TBCD: variants seen among roughly 807,000 people sequenced by gnomAD.
TBCD encodes the protein tubulin-specific chaperone D.
In TBCD, 105 loss-of-function variants were observed where a neutral mutation model predicts 169.3. The ratio of observed to expected loss-of-function variants is 0.62; its 90% CI spans 0.53 to 0.73. The LOEUF (loss-of-function observed/expected upper bound fraction) is 0.73, where lower values mean the gene tolerates loss of function less well. Among genes scored for constraint, TBCD ranks in the 30% least tolerant of loss-of-function variants. The pLI is 0.00. For synonymous variants in TBCD, 700 were observed against 643.9 expected, an observed-to-expected ratio of 1.09 and a Z score of -1.32; for missense variants, 1,444 against 1,600.1, an observed-to-expected ratio of 0.90 and a Z score of 1.66.
At chr17:82,858,944 C>T (rs1237935991) in intron 13 of TBCD, among the ~76,000 whole-genome samples, 1 of 152,242 alleles carries the variant, frequency 6.6e-6, no homozygotes, top group Admixed American at 6.5e-5. Context: ...CTCAGCGCCT[C>T]TGTGGGGCTG....
At chr17:82,771,607 C>T (rs8080925) in intron 5 of TBCD, among the ~76,000 whole-genome samples, 59,870 of 151,948 alleles carry the variant, frequency 0.39, 11,823 homozygotes, top group Middle Eastern at 0.42. Context: ...TTAGTAGAGA[C>T]GGGGTTTTAC....
At chr17:82,829,866 C>T in intron 13 of TBCD, 1 of 476,846 alleles carries the variant, frequency 2.1e-6, no homozygotes, top group Non-Finnish European at 3.7e-6. Context: ...TATAAAAGAT[C>T]TTCTGTAAGA....
chr17:82,759,884 GTTTGT>G (rs1294469703), intron 2 of TBCD, among the ~76,000 whole-genome samples: 6 of 121,138 alleles, frequency 5.0e-5, no homozygotes, highest in Non-Finnish European at 6.6e-5. Context: ...CATTTCGTTT[GTTTGT>G]TTTTTTTTTT....
intron 9 of TBCD, among the ~76,000 whole-genome samples, chr17:82,802,361 G>A (rs1006149201): frequency 2.0e-5 from 3 of 152,074 alleles, no homozygotes; most frequent in African/African-American, 7.2e-5. Context: ...CCAGAGACGC[G>A]TGTTGTGTTG....
At chr17:82,776,309 CTGGG>C (rs1027074141) in intron 6 of TBCD, among the ~76,000 whole-genome samples, 3 of 151,936 alleles carry the variant, frequency 2.0e-5, no homozygotes, top group African/African-American at 7.3e-5. Flanking sequence ...ATTCCGAAGG[CTGGG>C]TGGGAGGATT....
chr17:82,814,645 A>G (rs1340360070), intron 12 of TBCD, among the ~76,000 whole-genome samples, 195 bp from the exon 13 acceptor site: 2 of 152,186 alleles, frequency 1.3e-5, no homozygotes, highest in Non-Finnish European at 2.9e-5. Flanking sequence ...CCTCTTGAGT[A>G]GCTGGGATTA....
At chr17:82,858,057 G>T (rs114124517) in intron 13 of TBCD, among the ~76,000 whole-genome samples, 3,884 of 151,972 alleles carry the variant, frequency 0.026, 189 homozygotes, top group African/African-American at 0.088. Flanking sequence ...GTGCTACAGG[G>T]GCACACCATC....
In TBCD at chr17:82,889,648, G is replaced by C. The variant is rs1013046529; in HGVS notation, c.1534-20G>C. On this transcript the variant is annotated intron_variant, in intron 15 of 38. Coordinates refer to ENST00000355528, the MANE Select transcript of TBCD (RefSeq NM_005993.5). This position sits in a 1 kb window ranked among gnomAD's most constrained non-coding sequence, Gnocchi z 5.3. ...GAAGCTGACCTCGCTCACCTGCTGT[G>C]TTTGTTCTTTGCTCCGCAGGCCGCC... The C allele has an allele frequency of 2.5e-6, 4 of 1,613,854 alleles. No individual in the cohort carries two copies. The highest frequency in any genetic ancestry group is 3.4e-6 in the Non-Finnish European group (4 of 1,179,874).
At chr17:82,870,483 G>A (rs981915110) in intron 14 of TBCD, 103 bp downstream of exon 14, 2 of 1,417,080 alleles carry the variant, frequency 1.4e-6, no homozygotes, top group Non-Finnish European at 1.9e-6. Context: ...TCGTGAAAAG[G>A]TGAAATTACT....
chr17:82,840,855 G>A (rs2054422481), intron 13 of TBCD, among the ~76,000 whole-genome samples: 1 of 151,984 alleles, frequency 6.6e-6, no homozygotes, highest in Non-Finnish European at 1.5e-5. Context: ...GAAAGGAGGT[G>A]GGATGAGCTG....
chr17:82,914,663 G>A (rs1055953596), intron 23 of TBCD, among the ~76,000 whole-genome samples: 19 of 152,178 alleles, frequency 1.2e-4, no homozygotes, highest in Non-Finnish European at 2.4e-4. Context: ...CTCCCCAGCC[G>A]TGACCTCAGC....
chr17:82,934,009 C>G (rs2062424298), intron 34 of TBCD, among the ~76,000 whole-genome samples: 2 of 152,246 alleles, frequency 1.3e-5, no homozygotes, highest in South Asian at 4.1e-4. Flanking sequence ...CGCTTCCCTT[C>G]CCACCGCTGC....
intron 13 of TBCD, among the ~76,000 whole-genome samples, chr17:82,818,707 T>A (rs1456494238): frequency 6.6e-6 from 1 of 152,276 alleles, no homozygotes; most frequent in Non-Finnish European, 1.5e-5. Flanking sequence ...GTCACACGGC[T>A]GAGCTGTCCC....
rs991134982 is a variant in TBCD at position 82,880,205 on chromosome 17, G to T, written c.1476-3940G>T. ...TCTACTTATCAGTCTGTCTAGATGG[G>T]GTCTCGCTGTGTTGCCCAGACTGTA... On this transcript the variant is annotated intron_variant, in intron 14 of 38. Transcript: ENST00000355528. The surrounding 1 kb of genome is among the most constrained non-coding windows in gnomAD (Gnocchi z 5.0). Among the ~76,000 whole-genome samples, 1 of 152,052 alleles carries T rather than the reference G, an allele frequency of 6.6e-6. No individual in the cohort carries two copies. The highest frequency in any genetic ancestry group is 1.5e-5 in the Non-Finnish European group (1 of 68,018).
chr17:82,938,167 GCCGTGTGGACACA>G lies in TBCD; in HGVS notation c.3369+32_3369+44del, dbSNP rs780689920. On this transcript the variant is annotated intron_variant, in intron 36 of 38. Coordinates refer to ENST00000355528, the MANE Select transcript of TBCD (RefSeq NM_005993.5). ...TGCCTGCCCCTGCTCACGTGTGTTT[GCCGTGTGGACACA>G]AGCCCCTCAGTGACAAGAAGGCCTT... The G allele has an allele frequency of 9.4e-6, 15 of 1,598,496 alleles. No homozygotes were observed. The South Asian group carries it at 1.2e-4, about 13-fold the overall frequency.
chr17:82,843,607 A>G (rs7220929), intron 13 of TBCD, among the ~76,000 whole-genome samples: 44,820 of 124,726 alleles, frequency 0.36, 6,784 homozygotes, highest in East Asian at 0.48. Flanking sequence ...CGTCCAGCTT[A>G]CTTACCCTTC....
intron 13 of TBCD, among the ~76,000 whole-genome samples, chr17:82,840,888 TGAGGCTGCAGGGCA>T (rs1295068228): frequency 1.0e-4 from 15 of 146,394 alleles, no homozygotes; most frequent in South Asian, 2.2e-4. Context: ...TGGATGAGCC[TGAGGCTGCAGGGCA>T]GAGGCTGCAG....
Position 82,930,479 on chromosome 17 carries a change from G to A in TBCD, c.2992-43G>A, listed in dbSNP as rs370740886. 10 of 1,601,398 alleles carry A rather than the reference G, an allele frequency of 6.2e-6. No individual in the cohort carries two copies. In the African/African-American group the frequency reaches 1.3e-4, roughly 21 times the overall value. ...TGTAGCCAAGCCTGAGGGGTGGCAG[G>A]CTCGGGGGTCCCACTGCCTTCTGAG... is the stretch of plus-strand genomic sequence containing the variant. On this transcript the variant is annotated intron_variant, in intron 32 of 38. Transcript: ENST00000355528. This position sits in a 1 kb window ranked among gnomAD's most constrained non-coding sequence, Gnocchi z 5.2.
intron 17 of TBCD, among the ~76,000 whole-genome samples, chr17:82,899,194 G>C (rs1028550908): frequency 3.3e-5 from 5 of 150,940 alleles, no homozygotes; most frequent in African/African-American, 1.2e-4. Flanking sequence ...CGTGTCCTCA[G>C]CGCGTGTCCG....
Sources: gnomAD v4.1 joint callset for allele counts (sites outside exome capture counted in the v4.1 genomes callset) on GRCh38, gnomAD v4.1.1 for gene constraint, Gnocchi (gnomAD v3.1) non-coding constraint, MANE v1.5 for transcripts, NCBI Gene and HGNC (gene_info 2026-07-23, HGNC 2026-07-21) for gene names.